The following ARHGAP42 variants were observed in gnomAD, a reference collection of about 807,000 sequenced individuals.
The protein encoded by ARHGAP42 is rho GTPase-activating protein 42.
ARHGAP42 carries 63 observed loss-of-function variants against 125.0 expected under a neutral mutation model. The observed-to-expected ratio is 0.50, with a 90% CI of 0.41 to 0.62. The LOEUF is 0.62. Ranked by LOEUF, ARHGAP42 falls within the 20% of genes least tolerant of loss-of-function variation. The pLI, the probability that ARHGAP42 is intolerant of heterozygous loss-of-function variation, is 0.00. For synonymous variants in ARHGAP42, 339 were observed against 351.0 expected, an observed-to-expected ratio of 0.97 and a Z score of 0.38; for missense variants, 766 against 1,024.2, an observed-to-expected ratio of 0.75 and a Z score of 3.44.
intron 4 of ARHGAP42, among the ~76,000 whole-genome samples, chr11:100,872,819 C>G (rs538459700): frequency 6.6e-6 from 1 of 152,092 alleles, no homozygotes; most frequent in Non-Finnish European, 1.5e-5. Flanking sequence ...CAAAAACATT[C>G]GATTCAATGG....
rs575225582 is a variant in ARHGAP42, at chr11:100,757,935, C to T, written c.155-12408C>T. ...AGTGGTTTATGTATTCTTTCAGTTA[C>T]CATCCGTTATAAAATATTTCCAATC... On this transcript the variant is annotated intron_variant, in intron 1 of 23. Transcript: ENST00000298815. Among the ~76,000 whole-genome samples, 7 of 152,260 alleles carry T rather than the reference C, an allele frequency of 4.6e-5. No individual in the cohort carries two copies. In the East Asian group the frequency reaches 1.4e-3, roughly 29 times the overall value.
chr11:100,697,771 T>C (rs1338799150), intron 1 of ARHGAP42, among the ~76,000 whole-genome samples: 1 of 152,176 alleles, frequency 6.6e-6, no homozygotes, highest in Non-Finnish European at 1.5e-5. Flanking sequence ...GCTATGTAAA[T>C]TGGTTTTAGT....
At position 100,977,183 on chromosome 11, in the gene ARHGAP42, A is replaced by C. The variant is rs138455708; in HGVS notation, c.2393+212A>C. Among the ~76,000 whole-genome samples, 892 of 152,320 alleles carry C rather than the reference A, an allele frequency of 5.9e-3. 4 individuals are homozygous for C. The highest frequency in any genetic ancestry group is 0.02 in the African/African-American group (845 of 41,580). On this transcript the variant is annotated intron_variant, in intron 21 of 23. Coordinates refer to ENST00000298815, the MANE Select transcript of ARHGAP42 (RefSeq NM_152432.4). ...GACAGAATCTCTCTCACAGGGCAGC[A>C]CTTCAAGCACTTTCCTTTGAAGCAG... is the stretch of plus-strand genomic sequence containing the variant.
chr11:100,733,535 T>C, intron 1 of ARHGAP42, among the ~76,000 whole-genome samples: 1 of 152,184 alleles, frequency 6.6e-6, no homozygotes, highest in East Asian at 1.9e-4. Flanking sequence ...TAAAATGCAC[T>C]CCAGAGGGCT....
intron 3 of ARHGAP42, among the ~76,000 whole-genome samples, chr11:100,841,189 C>G (rs149164188): frequency 6.6e-6 from 1 of 152,168 alleles, no homozygotes; most frequent in Non-Finnish European, 1.5e-5. Flanking sequence ...TCCTTTCTTT[C>G]ACCCTGGAAA....
At chr11:100,733,559 C>T (rs919334391) in intron 1 of ARHGAP42, among the ~76,000 whole-genome samples, 1 of 152,126 alleles carries the variant, frequency 6.6e-6, no homozygotes, top group South Asian at 2.1e-4. Context: ...TGCTGTGGCT[C>T]ATGCCTGTAA....
rs1332018132 is a variant in ARHGAP42 at position 100,805,797 on chromosome 11, G to A, written c.312+10631G>A. Among the ~76,000 whole-genome samples, 4 of 152,094 alleles carry A rather than the reference G, an allele frequency of 2.6e-5. No homozygotes were observed. In the East Asian group the frequency reaches 7.8e-4, roughly 30 times the overall value. On this transcript the variant is annotated intron_variant, in intron 3 of 23. Transcript: ENST00000298815. ...ATAAACTGTCATGGTGCTGGTGGGA[G>A]TGCCTTTTAGCATGCTAATGCATTA...
At chr11:100,860,553 G>A (rs565180161) in intron 4 of ARHGAP42, among the ~76,000 whole-genome samples, 12 of 152,020 alleles carry the variant, frequency 7.9e-5, no homozygotes, top group African/African-American at 1.7e-4. Flanking sequence ...CTGTTCACCC[G>A]GCTCTGTATA....
At chr11:100,785,830 C>T (rs1304366525) in intron 2 of ARHGAP42, among the ~76,000 whole-genome samples, 3 of 152,200 alleles carry the variant, frequency 2.0e-5, no homozygotes, top group African/African-American at 7.2e-5. Context: ...TGTTCTTTTC[C>T]TCCTGTAATG....
chr11:100,850,199 A>C (rs1865169212), intron 3 of ARHGAP42, among the ~76,000 whole-genome samples: 1 of 152,226 alleles, frequency 6.6e-6, no homozygotes, highest in African/African-American at 2.4e-5. Context: ...ACTTTTCAAA[A>C]AAGATTTTAA....
At chr11:100,697,751 C>G (rs1336020701) in intron 1 of ARHGAP42, among the ~76,000 whole-genome samples, 1 of 152,138 alleles carries the variant, frequency 6.6e-6, no homozygotes, top group Non-Finnish European at 1.5e-5. Flanking sequence ...TTATCCCTTT[C>G]CAAATGAGAG....
At chr11:100,910,347 T>C (rs780687538) in intron 4 of ARHGAP42, among the ~76,000 whole-genome samples, 19 of 152,170 alleles carry the variant, frequency 1.2e-4, no homozygotes, top group Non-Finnish European at 2.5e-4. Context: ...ACCTCACTTC[T>C]CATCTTTTTT....
At chr11:100,914,559 C>G (rs1276970545) in intron 5 of ARHGAP42, among the ~76,000 whole-genome samples, 2 of 152,128 alleles carry the variant, frequency 1.3e-5, no homozygotes, top group Non-Finnish European at 2.9e-5. Context: ...GCGCTCATCT[C>G]TCCTCCGCCT....
At chr11:100,940,898 T>C (rs1454224535) in intron 8 of ARHGAP42, among the ~76,000 whole-genome samples, 2 of 152,172 alleles carry the variant, frequency 1.3e-5, no homozygotes, top group African/African-American at 2.4e-5. Context: ...TCATAAAATC[T>C]TGTGGCAGAG....
intron 1 of ARHGAP42, among the ~76,000 whole-genome samples, chr11:100,714,116 G>A (rs1182897231): frequency 1.3e-5 from 2 of 152,166 alleles, no homozygotes; most frequent in African/African-American, 2.4e-5. Flanking sequence ...TGAGTAAACC[G>A]TAATGGGCAG....
chr11:100,948,299 C>CA (rs1868076575), intron 10 of ARHGAP42, among the ~76,000 whole-genome samples, 158 bp from the exon 11 acceptor site: 1 of 152,176 alleles, frequency 6.6e-6, no homozygotes, highest in East Asian at 1.9e-4. Context: ...TATTATACTT[C>CA]AGTCTTTTTC....
At position 100,974,491 on chromosome 11, in the gene ARHGAP42, T is replaced by C. The variant is rs936787195; in HGVS notation, c.1743T>C (p.Pro581=). The change falls in exon 19 of 24, where the codon CCT becomes CCC. Residue 581 remains proline, a synonymous_variant. Coordinates refer to ENST00000298815, the MANE Select transcript of ARHGAP42 (RefSeq NM_152432.4). ...IFHTAPDPSI[P]LPQPQSRSGS... ...ATACTGCTCCAGACCCAAGCATTCC[T>C]CTTCCTCAGCCTCAGTCTCGATCTG... is the stretch of plus-strand genomic sequence containing the variant. The C allele has an allele frequency of 6.5e-7, 1 of 1,550,250 alleles. No individual in the cohort carries two copies. Among genetic ancestry groups the C allele is most frequent in the Middle Eastern group, 1.9e-4 (1 of 5,228 alleles).
At chr11:100,879,177 T>G (rs1387721776) in intron 4 of ARHGAP42, among the ~76,000 whole-genome samples, 1 of 152,166 alleles carries the variant, frequency 6.6e-6, no homozygotes, top group Non-Finnish European at 1.5e-5. Flanking sequence ...TATCTGCATT[T>G]TAACAAGACT....
intron 1 of ARHGAP42, among the ~76,000 whole-genome samples, chr11:100,713,314 T>G (rs1007803593): frequency 6.6e-6 from 1 of 152,164 alleles, no homozygotes; most frequent in African/African-American, 2.4e-5. Context: ...TTGAGGCAGA[T>G]GGGTCAAAGT....
Sources: gnomAD v4.1 joint callset for allele counts (sites outside exome capture counted in the v4.1 genomes callset) on GRCh38, gnomAD v4.1.1 for gene constraint, MANE v1.5 for transcripts, NCBI Gene and HGNC (gene_info 2026-07-23, HGNC 2026-07-21) for gene names.